DNMT3A: variants seen among roughly 807,000 people sequenced by gnomAD.
DNMT3A encodes DNA methyltransferase 3 alpha, also known as DNA (cytosine-5)-methyltransferase 3A.
In DNMT3A, 267 loss-of-function variants were observed where a neutral mutation model predicts 117.6. The ratio of observed to expected loss-of-function variants is 2.27; its 90% confidence interval spans 2.05 to 2.51. The LOEUF is 2.51. Ranked by LOEUF, DNMT3A falls within the 30% of genes most tolerant of loss-of-function variation. DNMT3A has a pLI of 0.00. For missense variants in DNMT3A, 1,029 were observed against 1,260.2 expected (o/e 0.82, Z 2.78); for synonymous variants, 432 against 474.8 (o/e 0.91, Z 1.17).
chr2:25,301,923 C>T lies in DNMT3A; in HGVS notation c.73-1680G>A, dbSNP rs189287930. Among the ~76,000 whole-genome samples, 613 of 152,324 alleles carry T rather than the reference C, an allele frequency of 4.0e-3. 11 individuals are homozygous for T. The highest frequency in any genetic ancestry group is 4.0e-3 in the Admixed American group (61 of 15,308). ...TTCATTTTCTGTGATTGCAAAATAC[C>T]TTGTGGTTTGCCACATTAATTTTTA... On this transcript the variant is annotated intron_variant, in intron 2 of 22. Coordinates refer to ENST00000321117, the MANE Select transcript of DNMT3A (RefSeq NM_022552.5).
chr2:25,300,707 AATATAATATATATATATATATATATAT>A lies in DNMT3A; in HGVS notation c.73-491_73-465del, dbSNP rs1416632584. 3.6e-4 allele frequency among the ~76,000 whole-genome samples: 21 copies of A among 57,860 alleles called. 1 individual carries two copies. Among genetic ancestry groups the A allele is most frequent in the African/African-American group, 8.3e-4 (12 of 14,498 alleles). 38.0% of individuals were successfully genotyped at this position (57,860 alleles called of 152,430 possible). ...TAGATATATATTTATATATCTAAAT[AATATAATATATATATATATATATATAT>A]ATATATATATATATATATATATATA... On this transcript the variant is annotated intron_variant, in intron 2 of 22. Transcript: ENST00000321117.
intron 16 of DNMT3A, 103 bp from the exon 17 acceptor site, chr2:25,241,810 T>C (rs944671562): frequency 9.6e-6 from 14 of 1,454,586 alleles, no homozygotes; most frequent in Non-Finnish European, 1.3e-5. Context: ...GGGTCAGCTG[T>C]AGGCCCAAGT....
rs145329585 is a variant in DNMT3A at position 25,339,610 on chromosome 2, A to T, written c.-178+2216T>A. Reference sequence around the variant, plus strand: ...TGTGCACACACAGACTCCCACCTTGACAGAGCCACCTGTCACAGCCCAAGC... The same window carrying T: ...TGTGCACACACAGACTCCCACCTTGTCAGAGCCACCTGTCACAGCCCAAGC... On this transcript the variant is annotated intron_variant, in intron 1 of 22. Transcript: ENST00000321117. The surrounding 1 kb of genome is among the most constrained non-coding windows in gnomAD (Gnocchi z 4.9). Among the ~76,000 whole-genome samples the T allele has an allele frequency of 8.4e-3, 1,282 of 152,272 alleles. 15 individuals are homozygous for T. Among genetic ancestry groups the T allele is most frequent in the African/African-American group, 0.029 (1,211 of 41,536 alleles).
At chr2:25,297,468 TGCA>T (rs1243929188) in intron 3 of DNMT3A, among the ~76,000 whole-genome samples, 1 of 151,008 alleles carries the variant, frequency 6.6e-6, no homozygotes, top group Non-Finnish European at 1.5e-5. Context: ...CACTGGGCCC[TGCA>T]GTGGAACAGG....
chr2:25,239,475 G>T (rs1344005643), intron 19 of DNMT3A: 1 of 606,722 alleles, frequency 1.6e-6, no homozygotes, highest in Non-Finnish European at 3.2e-6. Flanking sequence ...GTTCAATTCA[G>T]TGGCCACTAG....
rs907738112 is a variant in DNMT3A at position 25,337,450 on chromosome 2, A to G, written c.-178+4376T>C. Among the ~76,000 whole-genome samples, 1 of 152,162 alleles carries G rather than the reference A, an allele frequency of 6.6e-6. No homozygotes were observed. Among genetic ancestry groups the G allele is most frequent in the Non-Finnish European group, 1.5e-5 (1 of 68,026 alleles). On this transcript the variant is annotated intron_variant, in intron 1 of 22. Coordinates refer to ENST00000321117, the MANE Select transcript of DNMT3A (RefSeq NM_022552.5). The surrounding 1 kb of genome is among the most constrained non-coding windows in gnomAD (Gnocchi z 5.0). Reference sequence around the variant, plus strand: ...CACTCCATCCTCACAACCACCTGTAAGCAGAATCCACGCACACTCCCATGT... The same window carrying G: ...CACTCCATCCTCACAACCACCTGTAGGCAGAATCCACGCACACTCCCATGT...
chr2:25,276,492 C>G (rs1481379605), intron 4 of DNMT3A, among the ~76,000 whole-genome samples: 13 of 152,248 alleles, frequency 8.5e-5, no homozygotes. Flanking sequence ...GCAGGGAAGT[C>G]TCAATTTCCC....
chr2:25,280,282 C>A (rs1366655517), intron 4 of DNMT3A, among the ~76,000 whole-genome samples: 3 of 150,602 alleles, frequency 2.0e-5, no homozygotes, highest in African/African-American at 7.3e-5. Context: ...ACATCACACA[C>A]ACTGCCCACT....
chr2:25,252,123 G>GC lies in DNMT3A; in HGVS notation c.640-3872dup, dbSNP rs556043659. On this transcript the variant is annotated intron_variant, in intron 6 of 22. Transcript: ENST00000321117. This position sits in a 1 kb window ranked among gnomAD's most constrained non-coding sequence, Gnocchi z 5.5. ...TCACTCTTTTCAAACCCGGAGGGCT[G>GC]CGGAGATCCTCCCACCGGCCCTGCC... is the stretch of plus-strand genomic sequence containing the variant. 1.3e-3 allele frequency: 1,954 copies of GC among 1,530,788 alleles called. 14 individuals are homozygous for GC. The Middle Eastern group carries it at 0.022, about 17-fold the overall frequency. The allele number at this position is 1,530,788 out of a possible 1,614,324, so 94.8% of individuals were successfully genotyped here. A position where few individuals can be genotyped will look rare whatever the true frequency, so the allele number is the denominator to read the frequency against.
At chr2:25,336,840 C>T (rs942831370) in intron 1 of DNMT3A, among the ~76,000 whole-genome samples, 1 of 152,182 alleles carries the variant, frequency 6.6e-6, no homozygotes, top group Non-Finnish European at 1.5e-5. Flanking sequence ...TGAAGCCCCA[C>T]TTCTGTGCTC....
chr2:25,263,279 C>T (rs544097598), intron 6 of DNMT3A, among the ~76,000 whole-genome samples: 26 of 152,240 alleles, frequency 1.7e-4, no homozygotes, highest in African/African-American at 6.3e-4. Flanking sequence ...AGGAAGCTTT[C>T]CTGGAGTCCT....
At chr2:25,320,471 A>G (rs2034547953) in intron 1 of DNMT3A, among the ~76,000 whole-genome samples, 1 of 152,202 alleles carries the variant, frequency 6.6e-6, no homozygotes, top group African/African-American at 2.4e-5. Flanking sequence ...ATCACATTGT[A>G]CCCCATAGAG....
chr2:25,277,094 G>A (rs903856346), intron 4 of DNMT3A, among the ~76,000 whole-genome samples: 4 of 152,178 alleles, frequency 2.6e-5, no homozygotes, highest in African/African-American at 9.6e-5. Flanking sequence ...CGGGCCTGGC[G>A]CCGGGCTCAG....
chr2:25,240,427 CAA>C lies in DNMT3A; in HGVS notation c.2195_2196del (p.Phe732Ter), dbSNP rs771906613. On this transcript the variant is annotated frameshift_variant, in exon 19 of 23. Coordinates refer to ENST00000321117, the MANE Select transcript of DNMT3A (RefSeq NM_022552.5). LOFTEE classifies it high-confidence loss of function. ...GCATCATGCAGGAGGCGGTAGAACT[CAA>C]AGAAGAGCCGGCCAGTGCCCTCTGA... ...GLYEGTGRLF[F>X]EFYRLLHDAR... 6.2e-7 allele frequency: 1 copy of C among 1,611,208 alleles called. No homozygotes were observed. Among genetic ancestry groups the C allele is most frequent in the Non-Finnish European group, 8.5e-7 (1 of 1,178,638 alleles).
rs1676294178 is a variant in DNMT3A, at chr2:25,257,868, C to A, written c.640-9616G>T. On this transcript the variant is annotated intron_variant, in intron 6 of 22. Coordinates refer to ENST00000321117, the MANE Select transcript of DNMT3A (RefSeq NM_022552.5). The surrounding 1 kb of genome is among the most constrained non-coding windows in gnomAD (Gnocchi z 4.8). ...ACGGAGACCCTGGCTGTGTCTGTTA[C>A]AAATGAGAACACTGAGGCCTAGAGA... Among the ~76,000 whole-genome samples the A allele has an allele frequency of 6.6e-6, 1 of 152,196 alleles. No homozygotes were observed. Among genetic ancestry groups the A allele is most frequent in the African/African-American group, 2.4e-5 (1 of 41,450 alleles).
rs1263907296 is a variant in DNMT3A at position 25,254,304 on chromosome 2, A to G, written c.640-6052T>C. ...ATACAGGTGCTGGTATAATGAAGTCACGAGATGTGCAGTGAGGGAGCCCCC... is the reference window on the plus strand; with the variant it reads ...ATACAGGTGCTGGTATAATGAAGTCGCGAGATGTGCAGTGAGGGAGCCCCC... On this transcript the variant is annotated intron_variant, in intron 6 of 22. Transcript: ENST00000321117. The surrounding 1 kb of genome is among the most constrained non-coding windows in gnomAD (Gnocchi z 4.7). 6.6e-6 allele frequency among the ~76,000 whole-genome samples: 1 copy of G among 152,002 alleles called. No homozygotes were observed. Among genetic ancestry groups the G allele is most frequent in the Non-Finnish European group, 1.5e-5 (1 of 67,992 alleles).
At chr2:25,285,828 A>G (rs1050656187) in intron 3 of DNMT3A, among the ~76,000 whole-genome samples, 5 of 152,184 alleles carry the variant, frequency 3.3e-5, no homozygotes, top group African/African-American at 1.2e-4. Context: ...GTCACCCTTC[A>G]AGGCTCAGTC....
At chr2:25,318,431 C>T (rs1361189781) in intron 1 of DNMT3A, among the ~76,000 whole-genome samples, 1 of 152,070 alleles carries the variant, frequency 6.6e-6, no homozygotes, top group Non-Finnish European at 1.5e-5. Flanking sequence ...GGACCACAGG[C>T]GCCCGTCACC....
At chr2:25,290,096 G>A (rs1254021897) in intron 3 of DNMT3A, among the ~76,000 whole-genome samples, 1 of 152,076 alleles carries the variant, frequency 6.6e-6, no homozygotes, top group Non-Finnish European at 1.5e-5. Flanking sequence ...GTTTTACCAG[G>A]GACTACAGGT....
Sources: allele counts gnomAD v4.1 joint callset (sites outside exome capture counted in the v4.1 genomes callset), GRCh38; gene constraint gnomAD v4.1.1; non-coding constraint Gnocchi (gnomAD v3.1); transcripts MANE v1.5; gene names NCBI Gene and HGNC (gene_info 2026-07-23, HGNC 2026-07-21).